Variants in MYT1L observed in about 807,000 individuals in gnomAD.
MYT1L encodes the protein myelin transcription factor 1-like protein.
In MYT1L, 12 loss-of-function variants were observed where a neutral mutation model predicts 126.7. The observed-to-expected ratio is 0.09, with a 90% CI of 0.06 to 0.15. MYT1L has a LOEUF of 0.15. Among genes scored for constraint, MYT1L ranks in the 10% least tolerant of loss-of-function variants. MYT1L has a pLI of 1.00. For synonymous variants in MYT1L, 541 were observed against 604.2 expected, an observed-to-expected ratio of 0.90 and a Z score of 1.53; for missense variants, 979 against 1,585.2, an observed-to-expected ratio of 0.62 and a Z score of 6.49.
At chr2:1,869,097 C>T (rs1317557047) in intron 18 of MYT1L, among the ~76,000 whole-genome samples, 2 of 152,266 alleles carry the variant, frequency 1.3e-5, no homozygotes, top group Admixed American at 6.5e-5. Context: ...ATGGTCTGTG[C>T]CTCACCGGTC....
chr2:2,184,927 A>G (rs2091956153), intron 2 of MYT1L, among the ~76,000 whole-genome samples: 1 of 152,216 alleles, frequency 6.6e-6, no homozygotes, highest in South Asian at 2.1e-4. Context: ...CCACCCCATG[A>G]GTAGTTGCAT....
intron 3 of MYT1L, among the ~76,000 whole-genome samples, chr2:2,084,976 C>A (rs1207253151): frequency 6.6e-6 from 1 of 152,148 alleles, no homozygotes; most frequent in African/African-American, 2.4e-5. Flanking sequence ...CATCCCCTGG[C>A]CAGCCCTCCT....
chr2:2,155,460 G>A (rs1380206844), intron 3 of MYT1L, among the ~76,000 whole-genome samples: 1 of 152,100 alleles, frequency 6.6e-6, no homozygotes. Flanking sequence ...TCTATTATGT[G>A]TCAGACACCA....
At chr2:2,022,376 A>G (rs1293350157) in intron 4 of MYT1L, among the ~76,000 whole-genome samples, 1 of 152,176 alleles carries the variant, frequency 6.6e-6, no homozygotes, top group Non-Finnish European at 1.5e-5. Flanking sequence ...GCAAATTTAA[A>G]TGCCCTTATT....
At chr2:2,066,962 G>A (rs1487236230) in intron 3 of MYT1L, among the ~76,000 whole-genome samples, 1 of 152,220 alleles carries the variant, frequency 6.6e-6, no homozygotes, top group Non-Finnish European at 1.5e-5. Flanking sequence ...AAGGAGGCCT[G>A]AATCAACGGA....
At chr2:1,849,583 T>G (rs1284142632) in intron 19 of MYT1L, among the ~76,000 whole-genome samples, 1 of 152,212 alleles carries the variant, frequency 6.6e-6, no homozygotes, top group African/African-American at 2.4e-5. Flanking sequence ...TGGCATCTGG[T>G]GGGTGAGGCC....
chr2:2,125,724 CT>C (rs2081601220), intron 3 of MYT1L, among the ~76,000 whole-genome samples: 1 of 151,966 alleles, frequency 6.6e-6, no homozygotes, highest in Admixed American at 6.6e-5. Flanking sequence ...TTATGGTACC[CT>C]TTTGTGTTGC....
At chr2:2,195,869 TG>T (rs1416186908) in intron 2 of MYT1L, among the ~76,000 whole-genome samples, 1 of 151,980 alleles carries the variant, frequency 6.6e-6, no homozygotes, top group East Asian at 1.9e-4. Context: ...AGTGATAAAA[TG>T]GTAGAAAATA....
chr2:2,226,030 C>A (rs1361443891), intron 2 of MYT1L, among the ~76,000 whole-genome samples: 1 of 152,160 alleles, frequency 6.6e-6, no homozygotes, highest in Non-Finnish European at 1.5e-5. Flanking sequence ...AGTCATGGCA[C>A]CACCAGAGGG....
At chr2:2,262,722 C>A (rs1227451486) in intron 2 of MYT1L, among the ~76,000 whole-genome samples, 1 of 150,572 alleles carries the variant, frequency 6.6e-6, no homozygotes, top group Non-Finnish European at 1.5e-5. Flanking sequence ...ATGATTCCTG[C>A]AGCTATAACA....
chr2:1,875,707 A>G (rs1266866963), intron 18 of MYT1L, among the ~76,000 whole-genome samples: 1 of 152,150 alleles, frequency 6.6e-6, no homozygotes, highest in Non-Finnish European at 1.5e-5. Flanking sequence ...CGTGTTTGAT[A>G]ATCAGATTAT....
intron 4 of MYT1L, among the ~76,000 whole-genome samples, chr2:2,030,392 A>C (rs1193358061): frequency 6.6e-6 from 1 of 152,166 alleles, no homozygotes; most frequent in African/African-American, 2.4e-5. Context: ...TTTTAAATAT[A>C]AGTGAAGTTT....
chr2:1,956,573 A>ATTCTTTCT (rs200677911), intron 8 of MYT1L, among the ~76,000 whole-genome samples: 5,632 of 106,512 alleles, frequency 0.053, 319 homozygotes, highest in East Asian at 0.16. Flanking sequence ...TATATTTCCT[A>ATTCTTTCT]TTCTATCTAT....
intron 2 of MYT1L, among the ~76,000 whole-genome samples, chr2:2,233,000 G>A (rs1292076921): frequency 6.6e-6 from 1 of 152,142 alleles, no homozygotes; most frequent in Non-Finnish European, 1.5e-5. Flanking sequence ...TCACTGGGCC[G>A]ATTGGATGTA....
chr2:1,794,766 G>C (rs1044069418), intron 23 of MYT1L, among the ~76,000 whole-genome samples: 1 of 152,208 alleles, frequency 6.6e-6, no homozygotes, highest in Non-Finnish European at 1.5e-5. Context: ...TGGGATGGGG[G>C]TGGCGGGGCT....
rs777558295 is a variant in MYT1L at position 1,903,109 on chromosome 2, C to T, written c.2003G>A (p.Arg668Lys). The T allele has an allele frequency of 1.2e-6, 2 of 1,613,966 alleles. No homozygotes were observed. Among genetic ancestry groups the T allele is most frequent in the Non-Finnish European group, 1.7e-6 (2 of 1,179,866 alleles). The change falls in exon 14 of 25, where the codon AGG (arginine) becomes AAG (lysine). Residue 668 changes from arginine to lysine, a missense_variant. By Grantham distance (26) the Arg-to-Lys change is conservative. This residue lies in a region of MYT1L where 82 missense variants were observed against 177.2 expected (regional missense o/e 0.46). Transcript: ENST00000647738. ...ATCATATCCTTTGGGGGATATATCC[C>T]TGGTTTGCACCTTGGGAGCTATGGC... ...KRAIAPKVQTRDISPKGYDDA... is the reference protein window; with the variant it reads ...KRAIAPKVQTKDISPKGYDDA...
chr2:1,952,629 C>A (rs1276213187), intron 8 of MYT1L, among the ~76,000 whole-genome samples: 1 of 151,284 alleles, frequency 6.6e-6, no homozygotes, highest in Non-Finnish European at 1.5e-5. Context: ...CTAATGCGAA[C>A]CCTTGTGTGC....
intron 18 of MYT1L, among the ~76,000 whole-genome samples, chr2:1,870,247 T>C (rs1456845883): frequency 3.3e-5 from 5 of 151,540 alleles, no homozygotes; most frequent in Admixed American, 6.6e-5. Context: ...TGGGGAGGAG[T>C]CCTCAAGCTC....
chr2:1,945,639 T>A (rs570657736), intron 8 of MYT1L, among the ~76,000 whole-genome samples: 1 of 152,204 alleles, frequency 6.6e-6, no homozygotes, highest in Non-Finnish European at 1.5e-5. Flanking sequence ...TAATCTCACA[T>A]GGCTGCATTA....
Sources: allele counts gnomAD v4.1 joint callset (sites outside exome capture counted in the v4.1 genomes callset), GRCh38; gene constraint gnomAD v4.1.1; regional missense constraint gnomAD v4.1.1; transcripts MANE v1.5; gene names NCBI Gene and HGNC (gene_info 2026-07-23, HGNC 2026-07-21).